Variants in CACNA1G observed in about 807,000 individuals in gnomAD.
The protein encoded by CACNA1G is voltage-dependent T-type calcium channel subunit alpha-1G.
Under a neutral mutation model 219.4 loss-of-function variants are expected in CACNA1G, and 67 were observed. The observed-to-expected ratio is 0.31, with a 90% confidence interval of 0.25 to 0.37. CACNA1G has a LOEUF of 0.37. Ranked by LOEUF, CACNA1G falls within the 10% of genes least tolerant of loss-of-function variation. The pLI is 1.00. For synonymous variants in CACNA1G, 1,296 were observed against 1,345.3 expected (o/e 0.96, Z 0.80); for missense variants, 2,380 against 3,231.4 (o/e 0.74, Z 6.39).
At chr17:50,606,181 C>G in intron 23 of CACNA1G, 158 bp downstream of exon 23, 1 of 1,054,412 alleles carries the variant, frequency 9.5e-7, no homozygotes, top group Non-Finnish European at 1.5e-6. Flanking sequence ...GTCGCAAAGC[C>G]CAGTCCATCC....
chr17:50,626,145 G>C lies in CACNA1G; in HGVS notation c.6528G>C (p.Gln2176His), dbSNP rs776682358. 1 of 1,613,696 alleles carries C rather than the reference G, an allele frequency of 6.2e-7. No homozygotes were observed. The highest frequency in any genetic ancestry group is 8.5e-7 in the Non-Finnish European group (1 of 1,179,856). The change falls in exon 38 of 38, where the codon CAG (glutamine) becomes CAC (histidine). Residue 2176 changes from glutamine (Q) to histidine (H), a missense_variant. Physicochemically the swap from Gln to His is conservative, Grantham distance 24 (BLOSUM62 0). Around this residue, in one of 17 missense-constraint regions of CACNA1G, gnomAD observed 672 missense variants for 670.5 expected, o/e 1.00. Coordinates refer to ENST00000359106, the MANE Select transcript of CACNA1G (RefSeq NM_018896.5). The surrounding 1 kb of genome is among the most constrained non-coding windows in gnomAD (Gnocchi z 4.3). ...AYSFWGQSST[Q>H]AQQHSRSHSK... ...CTTTCTGGGGCCAGTCAAGTACCCA[G>C]GCACAGCAGCACTCCCGCAGCCACA...
intron 9 of CACNA1G, among the ~76,000 whole-genome samples, chr17:50,579,898 G>A (rs2041561555): frequency 6.6e-6 from 1 of 152,136 alleles, no homozygotes. Context: ...GTCAAGCCGG[G>A]TCTGGAGCAG....
At chr17:50,608,416 G>A (rs1015427932) in intron 25 of CACNA1G, among the ~76,000 whole-genome samples, 5 of 151,930 alleles carry the variant, frequency 3.3e-5, no homozygotes, top group African/African-American at 1.2e-4. Context: ...CACCCACCTA[G>A]TGTCTGCAGC....
intron 10 of CACNA1G, among the ~76,000 whole-genome samples, chr17:50,590,986 C>T (rs180707485): frequency 4.6e-5 from 7 of 152,248 alleles, no homozygotes; most frequent in East Asian, 1.9e-4. Context: ...GCCAGCTGCC[C>T]GGCTCGAAAA....
chr17:50,593,900 C>T (rs1367092004), intron 13 of CACNA1G, among the ~76,000 whole-genome samples: 2 of 152,206 alleles, frequency 1.3e-5, no homozygotes, highest in African/African-American at 4.8e-5. Flanking sequence ...GGGGAGTGTC[C>T]TTCGATGCCC....
At chr17:50,581,395 T>G (rs955250270) in intron 9 of CACNA1G, among the ~76,000 whole-genome samples, 1 of 151,592 alleles carries the variant, frequency 6.6e-6, no homozygotes, top group Non-Finnish European at 1.5e-5. Context: ...ATCGATTGGA[T>G]GGGGGGGCGG....
intron 33 of CACNA1G, 67 bp downstream of exon 33, chr17:50,619,075 C>G: frequency 7.8e-7 from 1 of 1,287,486 alleles, no homozygotes. Flanking sequence ...GGGTGGTGGG[C>G]GGGAGCCAAG....
At position 50,599,833 on chromosome 17, in the gene CACNA1G, G is replaced by A; in HGVS notation, c.3664G>A (p.Asp1222Asn). Residue 1222 changes from aspartate to asparagine, a missense_variant, in exon 17 of 38, where the codon GAT becomes AAT. By Grantham distance (23) the Asp-to-Asn change is conservative (BLOSUM62 1). Coordinates refer to ENST00000359106, the MANE Select transcript of CACNA1G (RefSeq NM_018896.5). ...LRPDDPPLDG[D>N]DADDEGNLSK... ...GCCTGATGACCCCCCACTGGATGGG[G>A]ATGACGCCGATGACGAGGGCAACCT... is the stretch of plus-strand genomic sequence containing the variant. The A allele has an allele frequency of 6.2e-7, 1 of 1,608,368 alleles. No individual in the cohort carries two copies. The highest frequency in any genetic ancestry group is 8.5e-7 in the Non-Finnish European group (1 of 1,179,416).
chr17:50,620,633 T>C (rs1235383344), intron 34 of CACNA1G, among the ~76,000 whole-genome samples: 1 of 152,016 alleles, frequency 6.6e-6, no homozygotes, highest in African/African-American at 2.4e-5. Flanking sequence ...GAGACAGGTG[T>C]CAGCTGCAGA....
At chr17:50,579,814 G>A (rs1327905963) in intron 9 of CACNA1G, among the ~76,000 whole-genome samples, 6 of 152,136 alleles carry the variant, frequency 3.9e-5, no homozygotes, top group Non-Finnish European at 8.8e-5. Context: ...TGTGAAAGGG[G>A]CATCTCAAAA....
chr17:50,619,939 A>G, intron 34 of CACNA1G, 113 bp downstream of exon 34: 1 of 1,133,126 alleles, frequency 8.8e-7, no homozygotes, highest in Non-Finnish European at 1.2e-6. Context: ...ATCTGTAGAA[A>G]GTGCAGCCTT....
rs12941185 is a variant in CACNA1G at position 50,618,308 on chromosome 17, G to A, written c.5392G>A (p.Val1798Ile). Residue 1798 changes from valine to isoleucine, a missense_variant, in exon 32 of 38, where the codon GTC (valine) becomes ATC (isoleucine). Coordinates refer to ENST00000359106, the MANE Select transcript of CACNA1G (RefSeq NM_018896.5). The surrounding 1 kb of genome is among the most constrained non-coding windows in gnomAD (Gnocchi z 5.3). ...FGMAFLTLFRVSTGDNWNGIM... is the reference protein window; with the variant it reads ...FGMAFLTLFRISTGDNWNGIM... ...CATGGCCTTCCTAACCCTCTTCCGAGTCTCCACAGGTGACAATTGGAATGG... is the reference window on the plus strand; with the variant it reads ...CATGGCCTTCCTAACCCTCTTCCGAATCTCCACAGGTGACAATTGGAATGG... 1.2e-6 allele frequency: 2 copies of A among 1,613,730 alleles called. No individual in the cohort carries two copies. Among genetic ancestry groups the A allele is most frequent in the Admixed American group, 1.7e-5 (1 of 59,990 alleles).
intron 16 of CACNA1G, among the ~76,000 whole-genome samples, chr17:50,598,948 G>A (rs1457498832): frequency 6.6e-6 from 1 of 152,056 alleles, no homozygotes; most frequent in Non-Finnish European, 1.5e-5. Flanking sequence ...GGCTGGTTTC[G>A]AGCTCCTGGC....
Position 50,619,774 on chromosome 17 carries a change from G to T in CACNA1G, c.5873G>T (p.Gly1958Val). The part of the protein sequence containing the change: ...KLMDELAGPG[G>V]QPSAFPSAPS... Reference sequence around the variant, plus strand: ...ATGGACGAGCTGGCAGGCCCAGGGGGCCAGCCCTCTGCCTTCCCTTCTGCC... The same window carrying T: ...ATGGACGAGCTGGCAGGCCCAGGGGTCCAGCCCTCTGCCTTCCCTTCTGCC... Residue 1958 changes from glycine (G) to valine (V), a missense_variant, in exon 34 of 38, where the codon GGC becomes GTC. Gly to Val is a moderately radical substitution (Grantham distance 109, BLOSUM62 -3). Coordinates refer to ENST00000359106, the MANE Select transcript of CACNA1G (RefSeq NM_018896.5). The T allele has an allele frequency of 1.2e-6, 2 of 1,607,482 alleles. No homozygotes were observed. The highest frequency in any genetic ancestry group is 1.7e-6 in the Non-Finnish European group (2 of 1,178,386).
At position 50,618,801 on chromosome 17, in the gene CACNA1G, C is replaced by T. The variant is rs1489947297; in HGVS notation, c.5574C>T (p.Asn1858=). 6.2e-7 allele frequency: 1 copy of T among 1,613,938 alleles called. No homozygotes were observed. The highest frequency in any genetic ancestry group is 8.5e-7 in the Non-Finnish European group (1 of 1,179,860). ...AVLMKHLEES[N]KEAKEEAELE... Reference sequence around the variant, plus strand: ...TGATGAAGCACCTGGAGGAGAGCAACAAGGAGGCCAAGGAGGAGGCCGAGC... The same window carrying T: ...TGATGAAGCACCTGGAGGAGAGCAATAAGGAGGCCAAGGAGGAGGCCGAGC... The change falls in exon 33 of 38, where the codon AAC becomes AAT. Residue 1858 remains asparagine, a synonymous_variant. Coordinates refer to ENST00000359106, the MANE Select transcript of CACNA1G (RefSeq NM_018896.5). This position sits in a 1 kb window ranked among gnomAD's most constrained non-coding sequence, Gnocchi z 5.3.
chr17:50,582,751 A>G (rs2042222016), intron 9 of CACNA1G, among the ~76,000 whole-genome samples: 1 of 151,694 alleles, frequency 6.6e-6, no homozygotes, highest in African/African-American at 2.4e-5. Context: ...GTTCTAGAAG[A>G]GGGACAACAG....
rs554053128 is a variant in CACNA1G at position 50,569,261 on chromosome 17, A to T, written c.451A>T (p.Thr151Ser). 2.5e-6 allele frequency: 4 copies of T among 1,613,858 alleles called. No homozygotes were observed. Among genetic ancestry groups the T allele is most frequent in the Non-Finnish European group, 3.4e-6 (4 of 1,179,850 alleles). The change falls in exon 3 of 38, where the codon ACT becomes TCT. Residue 151 changes from threonine to serine, a missense_variant. Thr to Ser is a moderately conservative substitution (Grantham distance 58). Coordinates refer to ENST00000359106, the MANE Select transcript of CACNA1G (RefSeq NM_018896.5). ...TGGGAAAAAGTGTTACCTGGGAGAC[A>T]CTTGGAACCGGCTTGACTTTTTCAT... ...IFGKKCYLGD[T>S]WNRLDFFIVI...
chr17:50,572,478 A>G, intron 5 of CACNA1G, 76 bp from the exon 6 acceptor site: 3 of 1,286,258 alleles, frequency 2.3e-6, no homozygotes, highest in Middle Eastern at 3.8e-4. Flanking sequence ...CACTCGTGCC[A>G]TCTCTCCCTT....
Position 50,578,368 on chromosome 17 carries a change from A to G in CACNA1G, c.2105A>G (p.His702Arg), listed in dbSNP as rs376800029. ...AVYEFTQDAQ[H>R]SDLRDPHSRR... ...TATGAGTTCACACAGGATGCCCAGC[A>G]CAGCGACCTCCGGGACCCCCACAGC... Residue 702 changes from histidine (H) to arginine (R), a missense_variant, in exon 9 of 38, where the codon CAC (histidine) becomes CGC (arginine). Physicochemically the swap from His to Arg is conservative, Grantham distance 29. This residue lies in a region of CACNA1G where 434 missense variants were observed against 417.3 expected (regional missense o/e 1.04). Coordinates refer to ENST00000359106, the MANE Select transcript of CACNA1G (RefSeq NM_018896.5). The surrounding 1 kb of genome is among the most constrained non-coding windows in gnomAD (Gnocchi z 4.5). 6.2e-7 allele frequency: 1 copy of G among 1,613,266 alleles called. No homozygotes were observed. Among genetic ancestry groups the G allele is most frequent in the East Asian group, 2.2e-5 (1 of 44,878 alleles).
Sources: gnomAD v4.1 joint callset for allele counts (sites outside exome capture counted in the v4.1 genomes callset) on GRCh38, gnomAD v4.1.1 for gene constraint, gnomAD v4.1.1 regional missense constraint, Gnocchi (gnomAD v3.1) non-coding constraint, MANE v1.5 for transcripts, NCBI Gene and HGNC (gene_info 2026-07-23, HGNC 2026-07-21) for gene names.